ZFHX3: variants seen among roughly 807,000 people sequenced by gnomAD.
The protein encoded by ZFHX3 is zinc finger homeobox 3, also known as zinc finger homeobox protein 3.
ZFHX3 carries 42 observed loss-of-function variants against 279.1 expected under a neutral mutation model. The ratio of observed to expected loss-of-function variants is 0.15; its 90% confidence interval spans 0.12 to 0.19. ZFHX3 has a LOEUF of 0.19. Ranked by LOEUF, ZFHX3 falls within the 10% of genes least tolerant of loss-of-function variation. ZFHX3 has a pLI of 1.00. For synonymous variants in ZFHX3, 2,293 were observed against 1,957.8 expected, an observed-to-expected ratio of 1.17 and a Z score of -4.52; for missense variants, 4,981 against 4,754.0, an observed-to-expected ratio of 1.05 and a Z score of -1.40.
At chr16:73,037,357 T>A (rs917578016) in intron 1 of ZFHX3, among the ~76,000 whole-genome samples, 3 of 152,148 alleles carry the variant, frequency 2.0e-5, no homozygotes, top group African/African-American at 7.2e-5. Flanking sequence ...AGAGGAGATA[T>A]GAAATGTCCC....
intron 1 of ZFHX3, among the ~76,000 whole-genome samples, chr16:73,006,871 A>T (rs1362539707): frequency 6.6e-6 from 1 of 152,152 alleles, no homozygotes; most frequent in African/African-American, 2.4e-5. Context: ...TACTTATAAC[A>T]CCTAATGCAA....
At chr16:73,673,790 C>T (rs1411748528) in intron 2 of ZFHX3, among the ~76,000 whole-genome samples, 1 of 152,068 alleles carries the variant, frequency 6.6e-6, no homozygotes, top group African/African-American at 2.4e-5. Context: ...TTATGTATTC[C>T]ACCTGAATGG....
At chr16:72,880,647 A>C (rs1489493423) in intron 4 of ZFHX3, among the ~76,000 whole-genome samples, 1 of 152,180 alleles carries the variant, frequency 6.6e-6, no homozygotes, top group East Asian at 1.9e-4. Flanking sequence ...ATTTTTGATA[A>C]AATTTTGGGT....
At chr16:73,611,606 A>T (rs1431934006) in intron 2 of ZFHX3, among the ~76,000 whole-genome samples, 1 of 152,222 alleles carries the variant, frequency 6.6e-6, no homozygotes, top group African/African-American at 2.4e-5. Context: ...TGTGATTGAA[A>T]AGAAAACACC....
intron 3 of ZFHX3, among the ~76,000 whole-genome samples, chr16:73,374,413 T>C (rs2016686678): frequency 6.6e-6 from 1 of 152,016 alleles, no homozygotes; most frequent in Middle Eastern, 3.2e-3. Context: ...GGTTCATCTA[T>C]TCCTCCCACT....
intron 2 of ZFHX3, among the ~76,000 whole-genome samples, chr16:73,632,143 T>C (rs1340598696): frequency 1.3e-5 from 2 of 152,184 alleles, no homozygotes; most frequent in African/African-American, 4.8e-5. Context: ...AGGCAAAATA[T>C]AATGGTCATT....
intron 8 of ZFHX3, among the ~76,000 whole-genome samples, chr16:73,090,414 T>C (rs546412185): frequency 1.2e-4 from 19 of 152,320 alleles, no homozygotes; most frequent in Non-Finnish European, 2.4e-4. Context: ...ATAAATAAAG[T>C]ACATTTGTTG....
At chr16:73,208,098 T>C (rs1265120611) in intron 5 of ZFHX3, among the ~76,000 whole-genome samples, 1 of 152,016 alleles carries the variant, frequency 6.6e-6, no homozygotes, top group Admixed American at 6.6e-5. Context: ...AGAAACAAGG[T>C]TCAAACAAGC....
intron 3 of ZFHX3, among the ~76,000 whole-genome samples, chr16:73,365,129 C>A (rs567038851): frequency 1.3e-5 from 2 of 152,338 alleles, no homozygotes; most frequent in South Asian, 4.1e-4. Context: ...AGAGGAATTC[C>A]ATGAGGGATT....
chr16:73,307,921 G>A (rs1233923021), intron 4 of ZFHX3, among the ~76,000 whole-genome samples: 1 of 151,996 alleles, frequency 6.6e-6, no homozygotes, highest in East Asian at 1.9e-4. Context: ...CAGGAACACT[G>A]AACAGAAAGT....
chr16:73,529,114 T>C (rs566413475), intron 2 of ZFHX3, among the ~76,000 whole-genome samples: 1 of 152,328 alleles, frequency 6.6e-6, no homozygotes, highest in East Asian at 1.9e-4. Flanking sequence ...CAGTTTTTCC[T>C]CTACTTTGAA....
intron 7 of ZFHX3, among the ~76,000 whole-genome samples, chr16:73,113,541 C>T (rs1966401122): frequency 6.6e-6 from 1 of 152,104 alleles, no homozygotes; most frequent in Non-Finnish European, 1.5e-5. Flanking sequence ...TGAGTAATTA[C>T]AATTATGCAA....
chr16:72,907,606 T>TGTGTGTGTGG (rs71156128), intron 3 of ZFHX3, among the ~76,000 whole-genome samples: 3 of 128,938 alleles, frequency 2.3e-5, no homozygotes, highest in African/African-American at 6.0e-5. Context: ...TGTGTGTGTG[T>TGTGTGTGTGG]TGTGTGTATG....
Position 72,786,419 on chromosome 16 carries a change from T to TA in ZFHX3, c.*744_*745insT, listed in dbSNP as rs1567503329. 5.9e-5 allele frequency: 9 copies of TA among 151,584 alleles called. No individual in the cohort carries two copies. The highest frequency in any genetic ancestry group is 1.9e-4 in the African/African-American group (8 of 41,216). 9.4% of individuals were successfully genotyped at this position (151,584 alleles called of 1,614,324 possible). A position where few individuals can be genotyped will look rare whatever the true frequency, so the allele number is the denominator to read the frequency against. On this transcript the variant is annotated 3_prime_UTR_variant, in exon 10 of 10. Coordinates refer to ENST00000268489, the MANE Select transcript of ZFHX3 (RefSeq NM_006885.4). Reference sequence around the variant, plus strand: ...TCTTTGTGTGTGTGGGTTATTATTTTTTTTTTTTTTTGAAAGTGGGAGTGC... The same window carrying TA: ...TCTTTGTGTGTGTGGGTTATTATTTTATTTTTTTTTTTGAAAGTGGGAGTGC...
intron 2 of ZFHX3, chr16:73,554,781 A>T (rs1358749276): frequency 6.6e-6 from 1 of 152,178 alleles, no homozygotes; most frequent in African/African-American, 2.4e-5. Flanking sequence ...TGCAGTTGCC[A>T]GCCTCCCAGG....
intron 1 of ZFHX3, among the ~76,000 whole-genome samples, chr16:73,718,819 T>C (rs1163947993): frequency 1.3e-5 from 2 of 152,008 alleles, no homozygotes; most frequent in African/African-American, 2.4e-5. Context: ...TTTCGCCATA[T>C]TGGCCAGGCT....
intron 2 of ZFHX3, among the ~76,000 whole-genome samples, chr16:73,537,711 C>T (rs1345376907): frequency 6.6e-6 from 1 of 152,154 alleles, no homozygotes; most frequent in East Asian, 1.9e-4. Context: ...AGTCCAAGTC[C>T]CTCTCCACAC....
intron 3 of ZFHX3, among the ~76,000 whole-genome samples, chr16:73,436,840 G>C (rs2018008408): frequency 6.6e-6 from 1 of 152,160 alleles, no homozygotes; most frequent in South Asian, 2.1e-4. Flanking sequence ...GGACACCAAA[G>C]TGATCCCGTC....
intron 3 of ZFHX3, among the ~76,000 whole-genome samples, chr16:73,415,149 A>G (rs2017546617): frequency 6.6e-6 from 1 of 152,162 alleles, no homozygotes; most frequent in Non-Finnish European, 1.5e-5. Context: ...TAAAATAATG[A>G]CCGATGTTCT....
Sources: gnomAD v4.1 joint callset for allele counts (sites outside exome capture counted in the v4.1 genomes callset) on GRCh38, gnomAD v4.1.1 for gene constraint, MANE v1.5 for transcripts, NCBI Gene and HGNC (gene_info 2026-07-23, HGNC 2026-07-21) for gene names.